Variants in RSF1 observed in about 807,000 individuals in gnomAD.
RSF1 encodes remodeling and spacing factor 1.
A neutral mutation model predicts 145.2 loss-of-function variants in RSF1; 13 were observed. That is an observed-to-expected ratio of 0.09 (90% CI 0.06 to 0.14). The LOEUF (loss-of-function observed/expected upper bound fraction) is 0.14. Ranked by LOEUF, RSF1 falls within the 10% of genes least tolerant of loss-of-function variation. The probability of loss-of-function intolerance (pLI) is 1.00; values close to 1 mark genes in which losing one functional copy is unlikely to be tolerated. For missense variants in RSF1, 1,517 were observed against 1,718.2 expected (o/e 0.88, Z 2.07); for synonymous variants, 577 against 592.6 (o/e 0.97, Z 0.38).
At chr11:77,864,217 G>A in the RSF1 span, among the ~76,000 whole-genome samples, 4 of 150,862 alleles carry the variant, frequency 2.7e-5, no homozygotes, top group South Asian at 2.2e-4. Context: ...ATGAGCCACC[G>A]CTCCTGGCCA....
Position 77,667,050 on chromosome 11 carries a change from C to T in RSF1, c.4193G>A (p.Ser1398Asn). Residue 1398 changes from serine (S) to asparagine (N), a missense_variant, in exon 16 of 16, where the codon AGC (serine) becomes AAC (asparagine). This residue lies in a region of RSF1 where 240 missense variants were observed against 231.8 expected (regional missense o/e 1.04). Coordinates refer to ENST00000308488, the MANE Select transcript of RSF1 (RefSeq NM_016578.4). ...GGAGGCTAGGCTTGCACTGGCTGTG[C>T]TGTTGTCCTTGGGGGTCTGAGACTT... ...TEKSQTPKDN[S>N]TASASLASNG... The T allele has an allele frequency of 6.2e-7, 1 of 1,614,082 alleles. No homozygotes were observed.
chr11:77,842,197 T>A, the RSF1 span, among the ~76,000 whole-genome samples: 4 of 152,234 alleles, frequency 2.6e-5, no homozygotes, highest in African/African-American at 9.6e-5. Context: ...CACTCCATCA[T>A]GCTGAAGTAA....
chr11:77,836,687 C>T, the RSF1 span, among the ~76,000 whole-genome samples: 4 of 152,166 alleles, frequency 2.6e-5, no homozygotes, highest in South Asian at 2.1e-4. Flanking sequence ...ACCCTGTGGC[C>T]GGGCGCAGCG....
At chr11:77,751,191 T>C (rs535626166) in intron 2 of RSF1, among the ~76,000 whole-genome samples, 2 of 152,320 alleles carry the variant, frequency 1.3e-5, no homozygotes, top group East Asian at 3.9e-4. Flanking sequence ...AGCAAATACA[T>C]AGACTTTATC....
intron 4 of RSF1, among the ~76,000 whole-genome samples, chr11:77,730,576 TATG>T (rs1455256955): frequency 1.3e-5 from 2 of 152,190 alleles, no homozygotes; most frequent in African/African-American, 4.8e-5. Context: ...CAGTTTTTAT[TATG>T]ATAACCATAG....
chr11:77,860,172 A>T, the RSF1 span, among the ~76,000 whole-genome samples: 3 of 152,302 alleles, frequency 2.0e-5, no homozygotes, highest in East Asian at 5.8e-4. Context: ...CAAGCTTAAC[A>T]CTGGGGCTTG....
the RSF1 span, chr11:77,840,924 C>T: frequency 1.2e-5 from 5 of 401,880 alleles, no homozygotes; most frequent in African/African-American, 7.9e-5. Flanking sequence ...ATGTCTTAAT[C>T]CATTTTGTGC....
chr11:77,826,036 C>T, the RSF1 span, among the ~76,000 whole-genome samples: 2 of 152,102 alleles, frequency 1.3e-5, no homozygotes, highest in Non-Finnish European at 2.9e-5. Context: ...CTCTGACAAG[C>T]CTGGCTAAGA....
intron 1 of RSF1, among the ~76,000 whole-genome samples, chr11:77,817,999 G>C (rs916044669): frequency 2.6e-5 from 4 of 152,150 alleles, no homozygotes; most frequent in Non-Finnish European, 5.9e-5. Context: ...CACCTGCAGA[G>C]ACTTCTCATT....
intron 2 of RSF1, among the ~76,000 whole-genome samples, chr11:77,753,455 T>C (rs991442583): frequency 2.6e-5 from 4 of 152,214 alleles, no homozygotes; most frequent in African/African-American, 9.7e-5. Flanking sequence ...GAGACACCAC[T>C]AGGCTAGGAG....
chr11:77,713,077 G>A (rs1960724863), intron 5 of RSF1, among the ~76,000 whole-genome samples: 1 of 152,132 alleles, frequency 6.6e-6, no homozygotes, highest in Non-Finnish European at 1.5e-5. Context: ...TGTGTTCATT[G>A]TTACTGGGGT....
At chr11:77,868,396 T>C in the RSF1 span, among the ~76,000 whole-genome samples, 17 of 141,188 alleles carry the variant, frequency 1.2e-4, no homozygotes, top group South Asian at 2.3e-4. Context: ...CTTGGTCTTG[T>C]TGCCCAGGCT....
chr11:77,801,381 G>A lies in RSF1; in HGVS notation c.187+19147C>T, dbSNP rs151051701. Among the ~76,000 whole-genome samples, 753 of 151,912 alleles carry A rather than the reference G, an allele frequency of 5.0e-3. 9 individuals are homozygous for A. The highest frequency in any genetic ancestry group is 0.017 in the African/African-American group (708 of 41,450). Reference sequence around the variant, plus strand: ...AGGCGGAGGCTGCAATAAGCTGAGAGCTTGCCACTGCACTCCAGCCTGGGC... The same window carrying A: ...AGGCGGAGGCTGCAATAAGCTGAGAACTTGCCACTGCACTCCAGCCTGGGC... On this transcript the variant is annotated intron_variant, in intron 1 of 15. Transcript: ENST00000308488.
intron 1 of RSF1, among the ~76,000 whole-genome samples, chr11:77,804,641 A>C (rs2135981381): frequency 6.6e-6 from 1 of 152,310 alleles, no homozygotes; most frequent in African/African-American, 2.4e-5. Context: ...GTTTAAGACC[A>C]GCCTGGGAAA....
intron 9 of RSF1, among the ~76,000 whole-genome samples, chr11:77,687,558 T>G (rs915745997): frequency 6.6e-6 from 1 of 151,766 alleles, no homozygotes; most frequent in East Asian, 1.9e-4. Flanking sequence ...AATACAAAAA[T>G]TAGCCGGGTG....
At chr11:77,822,430 A>AT (rs1948957423), upstream of RSF1, among the ~76,000 whole-genome samples, 1 of 151,518 alleles carries the variant, frequency 6.6e-6, no homozygotes, top group Non-Finnish European at 1.5e-5. Flanking sequence ...AAAAAAAAAA[A>AT]AAAAAGAATT....
At chr11:77,834,756 G>T in the RSF1 span, among the ~76,000 whole-genome samples, 1 of 152,068 alleles carries the variant, frequency 6.6e-6, no homozygotes, top group South Asian at 2.1e-4. Flanking sequence ...GCTAGGAAAA[G>T]ACTGAATAAG....
the RSF1 span, among the ~76,000 whole-genome samples, chr11:77,837,344 C>G: frequency 6.6e-6 from 1 of 152,140 alleles, no homozygotes; most frequent in Non-Finnish European, 1.5e-5. Context: ...ACCACGTTGG[C>G]CAGGCTGGTC....
At chr11:77,695,539 A>T (rs1018563772) in intron 7 of RSF1, among the ~76,000 whole-genome samples, 1 of 152,102 alleles carries the variant, frequency 6.6e-6, no homozygotes, top group Non-Finnish European at 1.5e-5. Context: ...GACACAATGG[A>T]AGCTCTTTCA....
Sources: gnomAD v4.1 joint callset for allele counts (sites outside exome capture counted in the v4.1 genomes callset) on GRCh38, gnomAD v4.1.1 for gene constraint, gnomAD v4.1.1 regional missense constraint, MANE v1.5 for transcripts, NCBI Gene and HGNC (gene_info 2026-07-23, HGNC 2026-07-21) for gene names.